The following EIF4H variants were observed in gnomAD, a reference collection of about 807,000 sequenced individuals.
EIF4H encodes the protein eukaryotic translation initiation factor 4H, also known as Williams-Beuren syndrome chromosome region 1.
EIF4H carries 8 observed loss-of-function variants against 30.6 expected under a neutral mutation model. The ratio of observed to expected loss-of-function variants is 0.26; its 90% CI spans 0.15 to 0.47. The LOEUF is 0.47. Among genes scored for constraint, EIF4H ranks in the 20% least tolerant of loss-of-function variants. The probability of loss-of-function intolerance (pLI) is 0.99; values close to 1 mark genes in which losing one functional copy is unlikely to be tolerated. For missense variants in EIF4H, 188 were observed against 339.5 expected, an observed-to-expected ratio of 0.55 and a Z score of 3.51; for synonymous variants, 106 against 122.7, an observed-to-expected ratio of 0.86 and a Z score of 0.90.
rs117646831 is a variant in EIF4H at position 74,176,036 on chromosome 7, G to C, written c.59+1594G>C. ...CCAGGTGTACTCCAAAAACTGATAG[G>C]AGAGTTTCCTAGGTAGCACTGTGCA... is the stretch of plus-strand genomic sequence containing the variant. On this transcript the variant is annotated intron_variant, in intron 1 of 6. Transcript: ENST00000265753. Among the ~76,000 whole-genome samples, 879 of 152,224 alleles carry C rather than the reference G, an allele frequency of 5.8e-3. 7 individuals are homozygous for C. Among genetic ancestry groups the C allele is most frequent in the Non-Finnish European group, 7.2e-3 (489 of 68,014 alleles).
intron 5 of EIF4H, among the ~76,000 whole-genome samples, chr7:74,193,557 G>T (rs1213358865): frequency 6.6e-6 from 1 of 151,952 alleles, no homozygotes; most frequent in Non-Finnish European, 1.5e-5. Flanking sequence ...CCCTGAGTGC[G>T]CAACCAACAG....
At chr7:74,188,311 GT>G (rs2115974061) in intron 2 of EIF4H, among the ~76,000 whole-genome samples, 1 of 152,360 alleles carries the variant, frequency 6.6e-6, no homozygotes, top group African/African-American at 2.4e-5. Context: ...TAGGTCGTGT[GT>G]CTGCAGGGTG....
At position 74,196,403 on chromosome 7, in the gene EIF4H, C is replaced by T. The variant is rs1554710779; in HGVS notation, c.*1095C>T. On this transcript the variant is annotated 3_prime_UTR_variant, in exon 7 of 7. Transcript: ENST00000265753. ...GATAAATTGTACTATGCAGAGCTGT[C>T]AGGAACCTTCAGATAGCAGTAGAGG... The T allele has an allele frequency of 6.5e-6, 1 of 152,700 alleles. No homozygotes were observed. The highest frequency in any genetic ancestry group is 2.4e-5 in the African/African-American group (1 of 41,478). The allele number at this position is 152,700 out of a possible 1,614,324, so 9.5% of individuals were successfully genotyped here.
At chr7:74,178,386 C>T (rs887618256) in intron 1 of EIF4H, among the ~76,000 whole-genome samples, 1 of 152,102 alleles carries the variant, frequency 6.6e-6, no homozygotes, top group Non-Finnish European at 1.5e-5. Context: ...CCCATGTCTA[C>T]TAAAAATACA....
intron 1 of EIF4H, among the ~76,000 whole-genome samples, chr7:74,177,706 A>T (rs938157625): frequency 6.6e-6 from 1 of 152,010 alleles, no homozygotes; most frequent in African/African-American, 2.4e-5. Context: ...TAGGTTTGTT[A>T]TCCTTCTTCA....
chr7:74,180,804 G>A (rs1308274621), intron 1 of EIF4H, among the ~76,000 whole-genome samples: 2 of 152,244 alleles, frequency 1.3e-5, no homozygotes, highest in African/African-American at 4.8e-5. Context: ...ACTGCTGAGT[G>A]GAAGAAAGGT....
At chr7:74,189,988 G>T in intron 4 of EIF4H, 70 bp downstream of exon 4, 1 of 1,534,750 alleles carries the variant, frequency 6.5e-7, no homozygotes, top group Non-Finnish European at 8.9e-7. Context: ...ACTCGTGAAC[G>T]TTCCTAGTAG....
chr7:74,195,364 T>C lies in EIF4H; in HGVS notation c.*56T>C, dbSNP rs1801320515. 2 of 1,515,252 alleles carry C rather than the reference T, an allele frequency of 1.3e-6. No individual in the cohort carries two copies. Among genetic ancestry groups the C allele is most frequent in the Admixed American group, 2.1e-5 (1 of 46,970 alleles). 93.9% of individuals were successfully genotyped at this position (1,515,252 alleles called of 1,614,324 possible). Reference sequence around the variant, plus strand: ...GGGTTAGAGCAGGACCACAGCCTGGTGAGTCCCCGGGCAGCCGTCCTGCAG... The same window carrying C: ...GGGTTAGAGCAGGACCACAGCCTGGCGAGTCCCCGGGCAGCCGTCCTGCAG... On this transcript the variant is annotated 3_prime_UTR_variant, in exon 7 of 7. Coordinates refer to ENST00000265753, the MANE Select transcript of EIF4H (RefSeq NM_022170.2).
chr7:74,180,270 C>G (rs1289153475), intron 1 of EIF4H, among the ~76,000 whole-genome samples: 2 of 152,140 alleles, frequency 1.3e-5, no homozygotes, highest in Non-Finnish European at 2.9e-5. Flanking sequence ...AACTTAGTAC[C>G]CATGTCTGAA....
Position 74,189,719 on chromosome 7 carries a change from C to G in EIF4H, c.294C>G (p.Ala98=). ...ATGAAGTGGATTCCCTTAAGGAAGC[C>G]TTGACATACGATGGTGCAGTAAGTA... ...EFDEVDSLKE[A]LTYDGALLGD... Residue 98 remains alanine (A), a synonymous_variant, in exon 3 of 7, where the codon GCC becomes GCG. Coordinates refer to ENST00000265753, the MANE Select transcript of EIF4H (RefSeq NM_022170.2). The G allele has an allele frequency of 6.2e-7, 1 of 1,614,204 alleles. No homozygotes were observed. Among genetic ancestry groups the G allele is most frequent in the South Asian group, 1.1e-5 (1 of 91,086 alleles).
At chr7:74,182,843 T>G (rs1168112485) in intron 1 of EIF4H, among the ~76,000 whole-genome samples, 3 of 152,248 alleles carry the variant, frequency 2.0e-5, no homozygotes, top group Non-Finnish European at 4.4e-5. Context: ...TGGCTCACCC[T>G]AAGGGTTCAG....
At chr7:74,174,727 G>A (rs1301866585) in intron 1 of EIF4H, among the ~76,000 whole-genome samples, 2 of 152,242 alleles carry the variant, frequency 1.3e-5, no homozygotes, top group Non-Finnish European at 2.9e-5. Flanking sequence ...CGGCGCCGAT[G>A]CCCGGAGACG....
At chr7:74,194,058 A>G (rs1801285770) in intron 5 of EIF4H, among the ~76,000 whole-genome samples, 1 of 152,270 alleles carries the variant, frequency 6.6e-6, no homozygotes, top group Non-Finnish European at 1.5e-5. Flanking sequence ...TACTTCTGCC[A>G]AGAGCCCACT....
At chr7:74,177,463 T>G (rs2115931587) in intron 1 of EIF4H, among the ~76,000 whole-genome samples, 1 of 152,312 alleles carries the variant, frequency 6.6e-6, no homozygotes, top group East Asian at 1.9e-4. Context: ...TTACAGCTTG[T>G]AAAACTAAAA....
intron 2 of EIF4H, 152 bp downstream of exon 2, chr7:74,187,950 C>A (rs782258157): frequency 1.2e-4 from 100 of 865,686 alleles, no homozygotes; most frequent in Non-Finnish European, 1.6e-4. Flanking sequence ...AGAAACATAA[C>A]TCTTCAACTC....
chr7:74,190,224 T>A (rs782747775), intron 4 of EIF4H, 23 bp from the exon 5 acceptor site: 5 of 1,612,690 alleles, frequency 3.1e-6, no homozygotes, highest in Non-Finnish European at 4.2e-6. Context: ...GACCTCAACT[T>A]TATCTTTTTT....
At chr7:74,174,577 G>A (rs1800792207) in intron 1 of EIF4H, 135 bp downstream of exon 1, 2 of 829,958 alleles carry the variant, frequency 2.4e-6, no homozygotes. Flanking sequence ...GCGGCGCCTG[G>A]AGGGCCGGGG....
intron 5 of EIF4H, among the ~76,000 whole-genome samples, chr7:74,193,079 G>A (rs1393816523): frequency 3.3e-5 from 5 of 152,238 alleles, no homozygotes; most frequent in South Asian, 2.1e-4. Flanking sequence ...GTAGTCTGTG[G>A]TGCCATCATT....
chr7:74,179,764 A>G (rs747028567), intron 1 of EIF4H, among the ~76,000 whole-genome samples: 1 of 152,184 alleles, frequency 6.6e-6, no homozygotes, highest in Non-Finnish European at 1.5e-5. Context: ...GATGTTCCAG[A>G]TGTTGGTACA....
Sources: gnomAD v4.1 joint callset for allele counts (sites outside exome capture counted in the v4.1 genomes callset) on GRCh38, gnomAD v4.1.1 for gene constraint, MANE v1.5 for transcripts, NCBI Gene and HGNC (gene_info 2026-07-23, HGNC 2026-07-21) for gene names.